Variants in FGGY observed in about 807,000 individuals in gnomAD.
The protein encoded by FGGY is FGGY carbohydrate kinase domain-containing protein.
In FGGY, 72 loss-of-function variants were observed where a neutral mutation model predicts 71.3. The observed-to-expected ratio is 1.01, with a 90% CI of 0.84 to 1.23. FGGY has a LOEUF of 1.23. Among genes scored for constraint, FGGY ranks in the 50% most tolerant of loss-of-function variants. The pLI is 0.00. For synonymous variants in FGGY, 251 were observed against 250.3 expected, an observed-to-expected ratio of 1.00 and a Z score of -0.02; for missense variants, 668 against 682.3, an observed-to-expected ratio of 0.98 and a Z score of 0.23.
chr1:59,551,914 G>A (rs995369681), intron 7 of FGGY, among the ~76,000 whole-genome samples: 1 of 152,142 alleles, frequency 6.6e-6, no homozygotes, highest in Non-Finnish European at 1.5e-5. Context: ...GGAGAATCGT[G>A]TCACTCAGGA....
chr1:59,559,108 CA>C (rs1425490998), intron 8 of FGGY, among the ~76,000 whole-genome samples: 2 of 152,118 alleles, frequency 1.3e-5, no homozygotes, highest in African/African-American at 4.8e-5. Context: ...ACAGTTAACA[CA>C]ATAGTGGTCC....
chr1:59,609,887 C>G lies in FGGY; in HGVS notation c.1011+1977C>G, dbSNP rs181609829. On this transcript the variant is annotated intron_variant, in intron 9 of 15. Transcript: ENST00000303721. ...TAAATGAATTGGACCTCATCAGTCC[C>G]TGGTTTTAAGGAGCTCATACTTGGA... is the stretch of plus-strand genomic sequence containing the variant. Among the ~76,000 whole-genome samples, 460 of 152,234 alleles carry G rather than the reference C, an allele frequency of 3.0e-3. 5 individuals are homozygous for G. Among genetic ancestry groups the G allele is most frequent in the African/African-American group, 0.011 (437 of 41,520 alleles).
rs571141550 is a variant in FGGY, at chr1:59,738,551, CA to C, written c.1513-19376del. 1.4e-3 allele frequency among the ~76,000 whole-genome samples: 211 copies of C among 152,310 alleles called. 1 individual carries two copies. Among genetic ancestry groups the C allele is most frequent in the Admixed American group, 2.3e-3 (35 of 15,300 alleles). ...CCAAAAGTGACCAAATAAAACAAAACAAAACTAGAATAATCATGATTGGGAA... is the reference window on the plus strand; with the variant it reads ...CCAAAAGTGACCAAATAAAACAAAACAAACTAGAATAATCATGATTGGGAA... On this transcript the variant is annotated intron_variant, in intron 14 of 15. Coordinates refer to ENST00000303721, the MANE Select transcript of FGGY (RefSeq NM_018291.5).
intron 6 of FGGY, among the ~76,000 whole-genome samples, chr1:59,502,100 C>G (rs1301822547): frequency 6.6e-6 from 1 of 152,106 alleles, no homozygotes; most frequent in South Asian, 2.1e-4. Context: ...GGTGAGGAAA[C>G]CGTTGCAGGG....
At chr1:59,533,178 G>C (rs887818884) in intron 7 of FGGY, among the ~76,000 whole-genome samples, 3 of 152,230 alleles carry the variant, frequency 2.0e-5, no homozygotes, top group African/African-American at 4.8e-5. Context: ...AGCAGGGCAA[G>C]GCATTGCCTC....
At chr1:59,593,483 C>T (rs1160499633) in intron 8 of FGGY, among the ~76,000 whole-genome samples, 1 of 152,180 alleles carries the variant, frequency 6.6e-6, no homozygotes, top group Non-Finnish European at 1.5e-5. Context: ...ATCCTCAGTT[C>T]CCTCATCTTT....
At chr1:59,438,482 G>T (rs1428123694) in intron 5 of FGGY, among the ~76,000 whole-genome samples, 3 of 152,070 alleles carry the variant, frequency 2.0e-5, no homozygotes, top group Non-Finnish European at 2.9e-5. Flanking sequence ...TCCTCTCCTT[G>T]TGCTTTGGAA....
At chr1:59,455,560 G>A (rs1469965255) in intron 5 of FGGY, among the ~76,000 whole-genome samples, 2 of 152,204 alleles carry the variant, frequency 1.3e-5, no homozygotes, top group Non-Finnish European at 2.9e-5. Context: ...CCTGAAGTTA[G>A]AGCGTAGCAA....
At chr1:59,649,611 AC>A (rs1411840636) in intron 11 of FGGY, among the ~76,000 whole-genome samples, 1 of 67,352 alleles carries the variant, frequency 1.5e-5, no homozygotes, top group Non-Finnish European at 2.6e-5. Flanking sequence ...GTATCCTGAG[AC>A]TTTGCTGAAG....
intron 6 of FGGY, among the ~76,000 whole-genome samples, chr1:59,483,890 A>G (rs756238900): frequency 3.3e-5 from 5 of 152,152 alleles, no homozygotes; most frequent in Non-Finnish European, 4.4e-5. Context: ...TTGAAAAAAA[A>G]TAAAAGATGA....
At chr1:59,343,348 T>C (rs1570680475) in intron 3 of FGGY, among the ~76,000 whole-genome samples, 1 of 152,212 alleles carries the variant, frequency 6.6e-6, no homozygotes, top group Admixed American at 6.5e-5. Flanking sequence ...GTCTGTGTTC[T>C]GTTTCCCATG....
chr1:59,742,229 C>T (rs2098156384), intron 14 of FGGY, among the ~76,000 whole-genome samples: 1 of 152,222 alleles, frequency 6.6e-6, no homozygotes, highest in Admixed American at 6.5e-5. Flanking sequence ...CCCCTGCCTC[C>T]TTAACTAAGG....
intron 14 of FGGY, among the ~76,000 whole-genome samples, chr1:59,724,806 GCTTA>G (rs1041189373): frequency 1.5e-4 from 23 of 152,102 alleles, no homozygotes; most frequent in African/African-American, 5.5e-4. Context: ...CATATATTTT[GCTTA>G]CTTTTTCACT....
rs375312691 is a variant in FGGY at position 59,297,608 on chromosome 1, G to C, written c.-15+458G>C. On this transcript the variant is annotated intron_variant, in intron 1 of 15. Transcript: ENST00000303721. ...GAGGCCAAGGCGGGTGGATCACGAG[G>C]TCAGGAGATCGAGACCATCCAGGCT... Among the ~76,000 whole-genome samples the C allele has an allele frequency of 2.6e-5, 4 of 152,034 alleles. No individual in the cohort carries two copies. In the East Asian group the frequency reaches 5.8e-4, roughly 22 times the overall value.
chr1:59,720,371 T>A (rs1234186954), intron 14 of FGGY, among the ~76,000 whole-genome samples: 1 of 152,242 alleles, frequency 6.6e-6, no homozygotes, highest in Admixed American at 6.5e-5. Flanking sequence ...TTATTCTGTT[T>A]CTACTTTGGT....
chr1:59,465,367 A>G (rs1208514507), intron 6 of FGGY, among the ~76,000 whole-genome samples: 2 of 152,222 alleles, frequency 1.3e-5, no homozygotes, highest in Non-Finnish European at 2.9e-5. Flanking sequence ...CAAAATAATA[A>G]GAGCTGTTTA....
chr1:59,362,111 G>A (rs894964393), intron 4 of FGGY, among the ~76,000 whole-genome samples: 2 of 152,080 alleles, frequency 1.3e-5, no homozygotes, highest in African/African-American at 4.8e-5. Context: ...TTTTATTCAC[G>A]TCTCATGTTT....
chr1:59,636,465 C>A (rs1159622995), intron 10 of FGGY, among the ~76,000 whole-genome samples: 3 of 151,546 alleles, frequency 2.0e-5, no homozygotes, highest in East Asian at 3.9e-4. Flanking sequence ...ACTAAAAATA[C>A]AAAAAAAATT....
chr1:59,349,772 T>C (rs1011937317), intron 4 of FGGY, among the ~76,000 whole-genome samples: 4 of 151,692 alleles, frequency 2.6e-5, no homozygotes, highest in Non-Finnish European at 5.9e-5. Flanking sequence ...AAGTCAGTTT[T>C]AGCATCTTCT....
Sources: gnomAD v4.1 joint callset for allele counts (sites outside exome capture counted in the v4.1 genomes callset) on GRCh38, gnomAD v4.1.1 for gene constraint, MANE v1.5 for transcripts, NCBI Gene and HGNC (gene_info 2026-07-23, HGNC 2026-07-21) for gene names.